CUEDC2: variants seen among roughly 807,000 people sequenced by gnomAD.
CUEDC2 encodes CUE domain-containing protein 2.
CUEDC2 carries 10 observed loss-of-function variants against 36.0 expected under a neutral mutation model. That is an observed-to-expected ratio of 0.28 (90% CI 0.17 to 0.47). The LOEUF is 0.47. Ranked by LOEUF, CUEDC2 falls within the 20% of genes least tolerant of loss-of-function variation. The pLI, the probability that CUEDC2 is intolerant of heterozygous loss-of-function variation, is 0.99. For missense variants in CUEDC2, 269 were observed against 368.1 expected (o/e 0.73, Z 2.20); for synonymous variants, 133 against 141.8 (o/e 0.94, Z 0.44).
intron 1 of CUEDC2, among the ~76,000 whole-genome samples, chr10:102,427,609 T>C (rs1201407743): frequency 6.6e-6 from 1 of 152,130 alleles, no homozygotes; most frequent in East Asian, 1.9e-4. Flanking sequence ...GCCCTAATCA[T>C]TATCTCTTGC....
Position 102,424,008 on chromosome 10 carries a change from C to T in CUEDC2, c.582G>A (p.Glu194=), listed in dbSNP as rs757886181. ...TGGGAAAAGATACCTGGTTGGGGCC[C>T]TCCCAGGCTGCAGGCCCCTCTTCCT... The part of the protein sequence containing the change: ...EGKEEGPAAW[E]GPNQDLPRRL... Residue 194 remains glutamate, a synonymous_variant, in exon 6 of 9, where the codon GAG becomes GAA. Transcript: ENST00000369937. The surrounding 1 kb of genome is among the most constrained non-coding windows in gnomAD (Gnocchi z 4.2). The T allele has an allele frequency of 5.6e-6, 9 of 1,613,734 alleles. No homozygotes were observed. The East Asian group carries it at 1.1e-4, about 20-fold the overall frequency.
rs1451559593 is a variant in CUEDC2 at position 102,423,467 on chromosome 10, A to C, written c.823T>G (p.Tyr275Asp). The change falls in exon 9 of 9, where the codon TAC becomes GAC. Residue 275 changes from tyrosine (Y) to aspartate (D), a missense_variant. Tyr to Asp is a radical substitution (Grantham distance 160). Transcript: ENST00000369937. The surrounding 1 kb of genome is among the most constrained non-coding windows in gnomAD (Gnocchi z 5.6). Reference protein sequence around the residue: ...NPEAEEMKATYINLKPARKYR... With the variant: ...NPEAEEMKATDINLKPARKYR... ...TTTCTGGCTGGCTTGAGGTTGATGT[A>C]TGTGGCCTTCATCTCCTCGGCCTCA... 1 of 1,614,152 alleles carries C rather than the reference A, an allele frequency of 6.2e-7. No homozygotes were observed. The highest frequency in any genetic ancestry group is 1.1e-5 in the South Asian group (1 of 91,084).
intron 1 of CUEDC2, among the ~76,000 whole-genome samples, chr10:102,430,116 G>T (rs1319309650): frequency 7.7e-6 from 1 of 130,484 alleles, no homozygotes; most frequent in African/African-American, 2.9e-5. Flanking sequence ...AAACTTGGCT[G>T]AAAGCCCAGG....
At chr10:102,432,257 G>A (rs1161540445) in intron 1 of CUEDC2, among the ~76,000 whole-genome samples, 1 of 152,232 alleles carries the variant, frequency 6.6e-6, no homozygotes, top group South Asian at 2.1e-4. Flanking sequence ...TGAAGCAGCA[G>A]CTCCCTAAAC....
Position 102,423,782 on chromosome 10 carries a change from C to G in CUEDC2, c.656+16G>C. ...GAAGACCCTCTAGGGCCCAGCCCAG[C>G]CCAGCCCAGACTCACTTCTGCAGGA... On this transcript the variant is annotated intron_variant, in intron 7 of 8. Transcript: ENST00000369937. The surrounding 1 kb of genome is among the most constrained non-coding windows in gnomAD (Gnocchi z 5.6). The G allele has an allele frequency of 1.9e-6, 3 of 1,613,882 alleles. No homozygotes were observed. Among genetic ancestry groups the G allele is most frequent in the African/African-American group, 1.3e-5 (1 of 75,052 alleles).
At chr10:102,430,105 G>T (rs942798611) in intron 1 of CUEDC2, among the ~76,000 whole-genome samples, 1 of 147,432 alleles carries the variant, frequency 6.8e-6, no homozygotes, top group Admixed American at 6.8e-5. Flanking sequence ...GGTGGTGACT[G>T]AAACTTGGCT....
At chr10:102,430,578 C>T (rs548289836) in intron 1 of CUEDC2, among the ~76,000 whole-genome samples, 131 of 152,300 alleles carry the variant, frequency 8.6e-4, no homozygotes, top group Non-Finnish European at 1.5e-3. Context: ...TTCACTGTCC[C>T]CAAATAAAAA....
chr10:102,431,434 G>C (rs575426621), intron 1 of CUEDC2, among the ~76,000 whole-genome samples: 1 of 152,050 alleles, frequency 6.6e-6, no homozygotes, highest in Admixed American at 6.5e-5. Context: ...ATGAACCACC[G>C]CGCCCGGCCG....
chr10:102,428,828 C>T (rs954634637), intron 1 of CUEDC2, among the ~76,000 whole-genome samples: 1 of 152,144 alleles, frequency 6.6e-6, no homozygotes, highest in Admixed American at 6.6e-5. Context: ...TCAAGACCAT[C>T]TTGGCTAACA....
chr10:102,425,320 G>C (rs538101917), intron 1 of CUEDC2, 122 bp from the exon 2 acceptor site: 3 of 689,124 alleles, frequency 4.4e-6, no homozygotes, highest in Non-Finnish European at 5.2e-6. Context: ...TGCCCTCTCT[G>C]TTCCCCCAAG....
In CUEDC2 at chr10:102,425,099, G is replaced by C. The variant is rs565280352; in HGVS notation, c.74+16C>G. ...CTCCAGCACTGACATGAGCCTTCCG[G>C]GGGACCCGTCTCTACCTGAGGTCGG... On this transcript the variant is annotated intron_variant, in intron 2 of 8. Transcript: ENST00000369937. 3.2e-5 allele frequency: 51 copies of C among 1,610,856 alleles called. No homozygotes were observed. The East Asian group carries it at 1.0e-3, about 32-fold the overall frequency.
intron 1 of CUEDC2, among the ~76,000 whole-genome samples, chr10:102,428,089 G>A (rs1251512869): frequency 2.0e-5 from 3 of 152,100 alleles, no homozygotes; most frequent in South Asian, 4.1e-4. Flanking sequence ...TTACAGACAT[G>A]TGCACCACAC....
intron 1 of CUEDC2, among the ~76,000 whole-genome samples, chr10:102,432,122 C>T (rs760637584): frequency 1.3e-5 from 2 of 152,202 alleles, no homozygotes; most frequent in Admixed American, 6.5e-5. Flanking sequence ...CTCTGATACC[C>T]AAGTCAGACC....
At chr10:102,426,646 T>C (rs2061597704) in intron 1 of CUEDC2, among the ~76,000 whole-genome samples, 1 of 152,266 alleles carries the variant, frequency 6.6e-6, no homozygotes, top group South Asian at 2.1e-4. Context: ...CTTTTTCTTT[T>C]TTTTAGGCAG....
Position 102,423,767 on chromosome 10 carries a change from T to C in CUEDC2, c.656+31A>G. ...CTCCTGTCACCCTGGGAAGACCCTCTAGGGCCCAGCCCAGCCCAGCCCAGA... is the reference window on the plus strand; with the variant it reads ...CTCCTGTCACCCTGGGAAGACCCTCCAGGGCCCAGCCCAGCCCAGCCCAGA... On this transcript the variant is annotated intron_variant, in intron 7 of 8. Transcript: ENST00000369937. This position sits in a 1 kb window ranked among gnomAD's most constrained non-coding sequence, Gnocchi z 5.6. 6.2e-7 allele frequency: 1 copy of C among 1,613,916 alleles called. No individual in the cohort carries two copies. Among genetic ancestry groups the C allele is most frequent in the Non-Finnish European group, 8.5e-7 (1 of 1,179,882 alleles).
intron 1 of CUEDC2, 45 bp from the exon 2 acceptor site, chr10:102,425,243 C>T: frequency 6.8e-7 from 1 of 1,467,272 alleles, no homozygotes; most frequent in Non-Finnish European, 9.5e-7. Context: ...TCTGCCTGCC[C>T]CCACCCACTG....
chr10:102,425,130 G>T lies in CUEDC2; in HGVS notation c.59C>A (p.Pro20Gln). Residue 20 changes from proline to glutamine, a missense_variant, in exon 2 of 9, where the codon CCG becomes CAG. Transcript: ENST00000369937. ...ALLAFVQTHL[P>Q]EADLSGLDEV... The stretch of plus-strand genomic sequence containing the variant: ...CCGTCTCTACCTGAGGTCGGCCTCC[G>T]GGAGGTGTGTCTGGACAAAGGCAAG... The T allele has an allele frequency of 6.2e-7, 1 of 1,613,738 alleles. No homozygotes were observed.
intron 1 of CUEDC2, among the ~76,000 whole-genome samples, chr10:102,426,331 C>T (rs996262412): frequency 1.2e-4 from 18 of 152,226 alleles, no homozygotes; most frequent in African/African-American, 4.3e-4. Flanking sequence ...GTCCAAATGC[C>T]AGCTCATCAT....
chr10:102,425,284 C>A lies in CUEDC2; in HGVS notation c.-10-86G>T, dbSNP rs2061591960. ...GGGGGCAGTGGCTCCTCCCTCCTGG[C>A]CTGCTATGGAACCATCTGTTGATGC... On this transcript the variant is annotated intron_variant, in intron 1 of 8. Transcript: ENST00000369937. The A allele has an allele frequency of 4.0e-5, 37 of 930,904 alleles. No homozygotes were observed. In the South Asian group the frequency reaches 4.9e-4, roughly 12 times the overall value. 57.7% of individuals were successfully genotyped at this position (930,904 alleles called of 1,614,324 possible). A position where few individuals can be genotyped will look rare whatever the true frequency, so the allele number is the denominator to read the frequency against.
Sources: gnomAD v4.1 joint callset for allele counts (sites outside exome capture counted in the v4.1 genomes callset) on GRCh38, gnomAD v4.1.1 for gene constraint, Gnocchi (gnomAD v3.1) non-coding constraint, MANE v1.5 for transcripts, NCBI Gene and HGNC (gene_info 2026-07-23, HGNC 2026-07-21) for gene names.